The following THADA variants were observed in gnomAD, a reference collection of about 807,000 sequenced individuals.
THADA encodes tRNA (32-2'-O)-methyltransferase regulator THADA.
A neutral mutation model predicts 219.8 loss-of-function variants in THADA; 213 were observed. That is an observed-to-expected ratio of 0.97 (90% CI 0.87 to 1.09). The LOEUF (loss-of-function observed/expected upper bound fraction) is 1.09, where lower values mean the gene tolerates loss of function less well. Among genes scored for constraint, THADA ranks in the 50% least tolerant of loss-of-function variants. The probability of loss-of-function intolerance (pLI) is 0.00; values close to 1 mark genes in which losing one functional copy is unlikely to be tolerated. For missense variants in THADA, 2,956 were observed against 2,311.3 expected (o/e 1.28, Z -5.72); for synonymous variants, 1,018 against 828.9 (o/e 1.23, Z -3.92).
intron 22 of THADA, among the ~76,000 whole-genome samples, chr2:43,520,713 T>TAC (rs145550774): frequency 0.012 from 1,446 of 125,078 alleles, 14 homozygotes; most frequent in East Asian, 0.051. Flanking sequence ...TATATATATA[T>TAC]ACACACACAC....
chr2:43,589,783 T>G (rs1045871447), intron 4 of THADA, among the ~76,000 whole-genome samples: 1 of 151,964 alleles, frequency 6.6e-6, no homozygotes, highest in Non-Finnish European at 1.5e-5. Context: ...AACCACCACT[T>G]ATTCATGTAA....
chr2:43,421,502 G>A (rs1016528098), intron 28 of THADA, among the ~76,000 whole-genome samples: 1 of 152,136 alleles, frequency 6.6e-6, no homozygotes, highest in African/African-American at 2.4e-5. Flanking sequence ...GCAAGGCTTG[G>A]AGACCCCTGT....
rs117876974 is a variant in THADA at position 43,376,472 on chromosome 2, G to A, written c.4227+21499C>T. Among the ~76,000 whole-genome samples the A allele has an allele frequency of 2.7e-4, 41 of 152,228 alleles. No individual in the cohort carries two copies. In the East Asian group the frequency reaches 7.5e-3, roughly 28 times the overall value. ...ATTTACTAGGATGCCCTCAGACAACGATAAAGATCTGTATTCTAAACATTC... is the reference window on the plus strand; with the variant it reads ...ATTTACTAGGATGCCCTCAGACAACAATAAAGATCTGTATTCTAAACATTC... On this transcript the variant is annotated intron_variant, in intron 29 of 37. Coordinates refer to ENST00000405975, the MANE Select transcript of THADA (RefSeq NM_022065.5).
At chr2:43,344,261 T>C in intron 29 of THADA, 24 bp from the exon 30 acceptor site, 10 of 1,489,982 alleles carry the variant, frequency 6.7e-6, no homozygotes, top group Non-Finnish European at 9.2e-6. Context: ...GAAAAAAAAA[T>C]CCTGCTGTGA....
chr2:43,344,162 T>C lies in THADA; in HGVS notation c.4303A>G (p.Ile1435Val), dbSNP rs1215446607. The change falls in exon 30 of 38, where the codon ATC becomes GTC. Residue 1435 changes from isoleucine to valine, a missense_variant. By Grantham distance (29) the Ile-to-Val change is conservative. Transcript: ENST00000405975. ...AGTTTGGCTTTGGTACAAACAGTGA[T>C]GTCAGTCAGCTCGTGCTGGAAGTCT... ...NSDFQHELTD[I>V]TVCTKAKLWL... 2.5e-6 allele frequency: 4 copies of C among 1,612,356 alleles called. No homozygotes were observed. Among genetic ancestry groups the C allele is most frequent in the East Asian group, 2.2e-5 (1 of 44,894 alleles).
At chr2:43,427,503 T>TTGTGTGTGTGTGTGTGTGTGTGTGTGTG (rs70963397) in intron 28 of THADA, among the ~76,000 whole-genome samples, 3 of 140,598 alleles carry the variant, frequency 2.1e-5, no homozygotes, top group Non-Finnish European at 4.6e-5. Flanking sequence ...CTCCCAAAGT[T>TTGTGTGTGTGTGTGTGTGTGTGTGTGTG]TGTGTGTGTG....
intron 22 of THADA, among the ~76,000 whole-genome samples, chr2:43,520,984 G>T (rs1276702064): frequency 8.4e-5 from 5 of 59,868 alleles, no homozygotes; most frequent in African/African-American, 4.0e-4. Context: ...AGGGAGGAAG[G>T]GAGGAAAGGG....
chr2:43,468,948 C>G (rs142968693), intron 26 of THADA, among the ~76,000 whole-genome samples: 6 of 152,316 alleles, frequency 3.9e-5, no homozygotes, highest in Admixed American at 2.0e-4. Context: ...AAAGTTAAGT[C>G]TAGGTCTCCC....
At chr2:43,317,144 C>T (rs1184381513) in intron 31 of THADA, among the ~76,000 whole-genome samples, 1 of 152,142 alleles carries the variant, frequency 6.6e-6, no homozygotes, top group Admixed American at 6.5e-5. Context: ...AGGATTCAAA[C>T]CCAGAGGTTT....
chr2:43,455,738 G>A (rs949661647), intron 26 of THADA, among the ~76,000 whole-genome samples: 1 of 152,134 alleles, frequency 6.6e-6, no homozygotes, highest in African/African-American at 2.4e-5. Flanking sequence ...ATCCAAACAC[G>A]CTTTCCACTA....
intron 29 of THADA, among the ~76,000 whole-genome samples, chr2:43,396,424 C>G (rs1314068825): frequency 5.3e-5 from 8 of 152,140 alleles, no homozygotes; most frequent in Admixed American, 1.3e-4. Flanking sequence ...TTGTCCTTGG[C>G]TCCTTCAAGG....
chr2:43,575,174 G>T, intron 10 of THADA, 147 bp from the exon 11 acceptor site: 2 of 647,130 alleles, frequency 3.1e-6, no homozygotes, highest in South Asian at 2.6e-5. Context: ...AAAACTACAA[G>T]TAAAGCCAAA....
intron 16 of THADA, among the ~76,000 whole-genome samples, 157 bp from the exon 17 acceptor site, chr2:43,556,712 G>A (rs1360283963): frequency 1.3e-5 from 2 of 152,006 alleles, no homozygotes; most frequent in Non-Finnish European, 2.9e-5. Context: ...ATTACTTGAG[G>A]CCAGGAGCTC....
chr2:43,524,313 G>C (rs1411143959), intron 22 of THADA, among the ~76,000 whole-genome samples: 1 of 152,190 alleles, frequency 6.6e-6, no homozygotes, highest in Non-Finnish European at 1.5e-5. Flanking sequence ...TTGTTTAATA[G>C]TGAAGTCAGT....
At chr2:43,561,107 C>T (rs1246673722) in intron 15 of THADA, among the ~76,000 whole-genome samples, 1 of 150,560 alleles carries the variant, frequency 6.6e-6, no homozygotes, top group East Asian at 1.9e-4. Context: ...TCCTGATAGA[C>T]TTACTGGGAG....
intron 5 of THADA, 54 bp from the exon 6 acceptor site, chr2:43,586,788 C>A: frequency 6.2e-7 from 1 of 1,610,242 alleles, no homozygotes; most frequent in Non-Finnish European, 8.5e-7. Context: ...AAATCAATGT[C>A]ATTTAAAAAC....
intron 29 of THADA, among the ~76,000 whole-genome samples, chr2:43,355,878 A>T: frequency 6.6e-6 from 1 of 152,214 alleles, no homozygotes. Context: ...ATACATGGGG[A>T]TTCATTATAT....
intron 4 of THADA, among the ~76,000 whole-genome samples, chr2:43,589,061 A>G (rs1701286681): frequency 6.6e-6 from 1 of 152,210 alleles, no homozygotes; most frequent in African/African-American, 2.4e-5. Flanking sequence ...GGAAAACAGT[A>G]TGACAGTTGC....
intron 26 of THADA, among the ~76,000 whole-genome samples, chr2:43,434,683 C>A (rs1382977878): frequency 1.3e-5 from 2 of 152,206 alleles, no homozygotes; most frequent in African/African-American, 2.4e-5. Context: ...CAGCGGAAAA[C>A]CATCTCCCTT....
Sources: gnomAD v4.1 joint callset for allele counts (sites outside exome capture counted in the v4.1 genomes callset) on GRCh38, gnomAD v4.1.1 for gene constraint, MANE v1.5 for transcripts, NCBI Gene and HGNC (gene_info 2026-07-23, HGNC 2026-07-21) for gene names.